Variants in THRB observed in about 807,000 individuals in gnomAD.
THRB encodes thyroid hormone receptor beta.
In THRB, 12 loss-of-function variants were observed where a neutral mutation model predicts 47.8. The observed-to-expected ratio is 0.25, with a 90% confidence interval of 0.16 to 0.41. The LOEUF (loss-of-function observed/expected upper bound fraction) is 0.41, where lower values mean the gene tolerates loss of function less well. Among genes scored for constraint, THRB ranks in the 10% least tolerant of loss-of-function variants. The pLI is 1.00. For missense variants in THRB, 348 were observed against 589.2 expected (o/e 0.59, Z 4.24); for synonymous variants, 218 against 212.2 (o/e 1.03, Z -0.24).
chr3:24,133,695 A>AAGAGAGAGAGAGAG (rs10652016), intron 8 of THRB, among the ~76,000 whole-genome samples: 3 of 150,372 alleles, frequency 2.0e-5, no homozygotes, highest in South Asian at 4.2e-4. Context: ...TTGCTGCAGA[A>AAGAGAGAGAGAGAG]AGAGAGAGAG....
Position 24,120,024 on chromosome 3 carries a change from ATCAGGTCCACACTG to A in THRB, c.*2846_*2859del. Reference sequence around the variant, plus strand: ...GAGCGCAGGTGTGAAGGGTATCTCCATCAGGTCCACACTGGATTTGCAAGTCTGGACAATAGATG... The same window carrying A: ...GAGCGCAGGTGTGAAGGGTATCTCCAGATTTGCAAGTCTGGACAATAGATG... On this transcript the variant is annotated 3_prime_UTR_variant, in exon 11 of 11. Transcript: ENST00000646209. The A allele has an allele frequency of 6.6e-6, 1 of 152,318 alleles. No homozygotes were observed. The highest frequency in any genetic ancestry group is 6.5e-5 in the Admixed American group (1 of 15,308). 9.4% of individuals were successfully genotyped at this position (152,318 alleles called of 1,614,324 possible). A position where few individuals can be genotyped will look rare whatever the true frequency, so the allele number is the denominator to read the frequency against.
At position 24,203,139 on chromosome 3, in the gene THRB, G is replaced by T. The variant is rs182653208; in HGVS notation, c.23-12805C>A. ...TTTTTCTTTAGAAGCCCAGCCGGGC[G>T]CAGTGGCTCATGCCTGGAATCCCAG... On this transcript the variant is annotated intron_variant, in intron 4 of 10. Transcript: ENST00000646209. Among the ~76,000 whole-genome samples the T allele has an allele frequency of 6.2e-4, 95 of 152,318 alleles. 1 individual carries two copies. The highest frequency in any genetic ancestry group is 1.2e-3 in the Admixed American group (18 of 15,300).
chr3:24,405,613 C>G (rs979113728), intron 1 of THRB, among the ~76,000 whole-genome samples: 2 of 151,622 alleles, frequency 1.3e-5, no homozygotes, highest in African/African-American at 4.8e-5. Flanking sequence ...TCATTGTATA[C>G]AGCTTTGTAT....
At chr3:24,476,905 CA>C (rs1695541002) in intron 1 of THRB, among the ~76,000 whole-genome samples, 1 of 152,010 alleles carries the variant, frequency 6.6e-6, no homozygotes, top group Admixed American at 6.5e-5. Flanking sequence ...AAAATGATCT[CA>C]TTATCTCAAT....
chr3:24,245,388 C>A (rs1022329045), intron 3 of THRB, among the ~76,000 whole-genome samples: 1 of 152,166 alleles, frequency 6.6e-6, no homozygotes, highest in Non-Finnish European at 1.5e-5. Flanking sequence ...AAGCCCCACC[C>A]CTTTCCTTCT....
intron 3 of THRB, among the ~76,000 whole-genome samples, chr3:24,246,050 G>A (rs1228449037): frequency 6.6e-6 from 1 of 152,196 alleles, no homozygotes; most frequent in African/African-American, 2.4e-5. Flanking sequence ...ACATCAGCTT[G>A]TTTTAATATC....
In THRB at chr3:24,309,761, A is replaced by G. The variant is rs1307787165; in HGVS notation, c.-188-12390T>C. On this transcript the variant is annotated intron_variant, in intron 2 of 10. Coordinates refer to ENST00000646209, the MANE Select transcript of THRB (RefSeq NM_001354712.2). ...ATCCATTAAGCATTTCAAGGAAGAC[A>G]CTGACATTACTAAATTGTTCAGCAA... Among the ~76,000 whole-genome samples, 6 of 152,356 alleles carry G rather than the reference A, an allele frequency of 3.9e-5. No homozygotes were observed. The East Asian group carries it at 1.2e-3, about 29-fold the overall frequency.
chr3:24,246,742 A>G (rs1479396977), intron 3 of THRB, among the ~76,000 whole-genome samples: 1 of 152,166 alleles, frequency 6.6e-6, no homozygotes, highest in East Asian at 1.9e-4. Context: ...TCCCAAAATG[A>G]TAGTTTTTAT....
rs539323428 is a variant in THRB, at chr3:24,328,085, G to A, written c.-189+9215C>T. 7.9e-5 allele frequency among the ~76,000 whole-genome samples: 12 copies of A among 152,244 alleles called. No homozygotes were observed. The South Asian group carries it at 2.5e-3, about 32-fold the overall frequency. On this transcript the variant is annotated intron_variant, in intron 2 of 10. Coordinates refer to ENST00000646209, the MANE Select transcript of THRB (RefSeq NM_001354712.2). ...AATAATCAGTAAAGTACACATTAAA[G>A]CAGCCTCACTATTGGGGTTTCTAGT...
chr3:24,206,959 C>A (rs1395460239), intron 4 of THRB, among the ~76,000 whole-genome samples: 1 of 151,944 alleles, frequency 6.6e-6, no homozygotes, highest in Non-Finnish European at 1.5e-5. Flanking sequence ...AAGTTGAATC[C>A]CTGAATAGAC....
chr3:24,227,459 G>A (rs539640139), intron 4 of THRB, among the ~76,000 whole-genome samples: 1 of 152,304 alleles, frequency 6.6e-6, no homozygotes, highest in South Asian at 2.1e-4. Context: ...GGGAGTGGGT[G>A]CGTTTTGGTG....
chr3:24,315,670 T>G (rs2058068604), intron 2 of THRB, among the ~76,000 whole-genome samples: 1 of 152,186 alleles, frequency 6.6e-6, no homozygotes, highest in Non-Finnish European at 1.5e-5. Context: ...GGAGGCTGCC[T>G]GGACAGCTAA....
chr3:24,261,520 C>CAAAAAAAAA (rs1207008580), intron 3 of THRB, among the ~76,000 whole-genome samples: 16 of 119,552 alleles, frequency 1.3e-4, no homozygotes, highest in African/African-American at 5.6e-4. Context: ...AAAAAAAAAC[C>CAAAAAAAAA]AAAAAAAACT....
intron 5 of THRB, among the ~76,000 whole-genome samples, chr3:24,166,100 G>C (rs2039609255): frequency 6.6e-6 from 1 of 152,140 alleles, no homozygotes; most frequent in Non-Finnish European, 1.5e-5. Context: ...ACATGCCAAG[G>C]AAGTACACGG....
chr3:24,295,594 A>C (rs1200616634), intron 3 of THRB, among the ~76,000 whole-genome samples: 1 of 152,164 alleles, frequency 6.6e-6, no homozygotes, highest in Non-Finnish European at 1.5e-5. Context: ...TATTTCAGTA[A>C]GTTTGCCTGT....
At chr3:24,221,044 A>T (rs903053974) in intron 4 of THRB, among the ~76,000 whole-genome samples, 1 of 152,136 alleles carries the variant, frequency 6.6e-6, no homozygotes, top group African/African-American at 2.4e-5. Context: ...GGGAACTGGC[A>T]TTCCACACTA....
chr3:24,331,467 A>G (rs529781052), intron 2 of THRB, among the ~76,000 whole-genome samples: 35 of 152,028 alleles, frequency 2.3e-4, no homozygotes, highest in African/African-American at 8.2e-4. Context: ...CATCTTTACA[A>G]TTTCTCCTTC....
intron 2 of THRB, among the ~76,000 whole-genome samples, chr3:24,321,702 G>T (rs1388453223): frequency 1.3e-5 from 2 of 151,920 alleles, no homozygotes; most frequent in Non-Finnish European, 2.9e-5. Context: ...AATCCAAAAT[G>T]TTAGGAATGA....
chr3:24,273,682 T>G (rs1351015899), intron 3 of THRB, among the ~76,000 whole-genome samples: 1 of 152,226 alleles, frequency 6.6e-6, no homozygotes, highest in East Asian at 1.9e-4. Context: ...TGTAAATATT[T>G]GTATGCTTCA....
Sources: allele counts gnomAD v4.1 joint callset (sites outside exome capture counted in the v4.1 genomes callset), GRCh38; gene constraint gnomAD v4.1.1; transcripts MANE v1.5; gene names NCBI Gene and HGNC (gene_info 2026-07-23, HGNC 2026-07-21).